The following SLC4A4 variants were observed in gnomAD, a reference collection of about 807,000 sequenced individuals.
The protein encoded by SLC4A4 is electrogenic sodium bicarbonate cotransporter 1.
SLC4A4 carries 27 observed loss-of-function variants against 111.5 expected under a neutral mutation model. The observed-to-expected ratio is 0.24, with a 90% CI of 0.18 to 0.33. The LOEUF (loss-of-function observed/expected upper bound fraction) is 0.33. Ranked by LOEUF, SLC4A4 falls within the 10% of genes least tolerant of loss-of-function variation. The pLI, the probability that SLC4A4 is intolerant of heterozygous loss-of-function variation, is 1.00. For missense variants in SLC4A4, 909 were observed against 1,315.5 expected, an observed-to-expected ratio of 0.69 and a Z score of 4.78; for synonymous variants, 443 against 463.4, an observed-to-expected ratio of 0.96 and a Z score of 0.57.
At chr4:71,114,070 AC>A (rs1462283411) in intron 2 of SLC4A4, among the ~76,000 whole-genome samples, 2 of 151,968 alleles carry the variant, frequency 1.3e-5, no homozygotes, top group Non-Finnish European at 2.9e-5. Context: ...ACACGGTGAA[AC>A]CCCGTCTCTA....
At chr4:71,331,197 G>A (rs1316398915) in intron 3 of SLC4A4, among the ~76,000 whole-genome samples, 1 of 152,132 alleles carries the variant, frequency 6.6e-6, no homozygotes, top group East Asian at 1.9e-4. Flanking sequence ...TCTAGAACTA[G>A]AAATACCATT....
At chr4:71,293,832 C>T (rs893217971) in intron 3 of SLC4A4, among the ~76,000 whole-genome samples, 1 of 152,186 alleles carries the variant, frequency 6.6e-6, no homozygotes, top group Admixed American at 6.5e-5. Context: ...TATATTACAA[C>T]TTATAACGTA....
chr4:71,330,494 T>C (rs1318604181), intron 3 of SLC4A4, among the ~76,000 whole-genome samples: 1 of 152,230 alleles, frequency 6.6e-6, no homozygotes, highest in Non-Finnish European at 1.5e-5. Flanking sequence ...AAGGATTCCC[T>C]ATTTAACAAA....
chr4:71,549,961 G>A (rs550957650), intron 20 of SLC4A4, among the ~76,000 whole-genome samples: 7 of 151,860 alleles, frequency 4.6e-5, no homozygotes, highest in Non-Finnish European at 8.8e-5. Flanking sequence ...AGCTGTAAGA[G>A]ATCAGTGAGC....
At chr4:71,113,465 T>C (rs1743152312) in intron 2 of SLC4A4, among the ~76,000 whole-genome samples, 1 of 152,194 alleles carries the variant, frequency 6.6e-6, no homozygotes, top group Non-Finnish European at 1.5e-5. Flanking sequence ...TCCTGACCAC[T>C]AGTGGGCACT....
chr4:71,181,132 G>A (rs377017196), intron 2 of SLC4A4, among the ~76,000 whole-genome samples: 92 of 147,736 alleles, frequency 6.2e-4, no homozygotes, highest in East Asian at 4.6e-3. Flanking sequence ...ACCAAACACC[G>A]CATGTTCTCA....
At chr4:71,074,194 G>T (rs1311381518) in intron 1 of SLC4A4, among the ~76,000 whole-genome samples, 1 of 152,112 alleles carries the variant, frequency 6.6e-6, no homozygotes, top group African/African-American at 2.4e-5. Context: ...TTTCTCCATA[G>T]TGATAAATAA....
chr4:71,321,224 T>C (rs1180821660), intron 3 of SLC4A4, among the ~76,000 whole-genome samples: 1 of 152,046 alleles, frequency 6.6e-6, no homozygotes, highest in East Asian at 1.9e-4. Context: ...AGTTTATTTC[T>C]ATAACAAATT....
intron 1 of SLC4A4, among the ~76,000 whole-genome samples, chr4:71,234,329 A>G (rs1378189885): frequency 6.6e-6 from 1 of 152,272 alleles, no homozygotes; most frequent in East Asian, 1.9e-4. Context: ...CATAGCAGGC[A>G]CTAAATAAAT....
At chr4:71,415,961 C>T (rs555259238) in intron 7 of SLC4A4, among the ~76,000 whole-genome samples, 9 of 152,264 alleles carry the variant, frequency 5.9e-5, no homozygotes, top group African/African-American at 2.2e-4. Context: ...ATTTATTATT[C>T]CCATTATACA....
chr4:71,538,891 T>G (rs1282131340), intron 18 of SLC4A4, among the ~76,000 whole-genome samples: 2 of 152,028 alleles, frequency 1.3e-5, no homozygotes, highest in African/African-American at 4.8e-5. Flanking sequence ...TCATGATTCC[T>G]TTAAGGTCAT....
At chr4:71,284,842 C>T (rs934351909) in intron 3 of SLC4A4, among the ~76,000 whole-genome samples, 1 of 152,194 alleles carries the variant, frequency 6.6e-6, no homozygotes, top group Non-Finnish European at 1.5e-5. Flanking sequence ...ATGTTGTCCC[C>T]TGGTTACCTC....
At chr4:71,102,906 A>G (rs1191762592) in intron 2 of SLC4A4, among the ~76,000 whole-genome samples, 1 of 151,920 alleles carries the variant, frequency 6.6e-6, no homozygotes, top group Non-Finnish European at 1.5e-5. Context: ...ACAGGATCCA[A>G]TTCACACATA....
chr4:71,426,182 T>C (rs903833003), intron 7 of SLC4A4, among the ~76,000 whole-genome samples: 1 of 152,054 alleles, frequency 6.6e-6, no homozygotes, highest in African/African-American at 2.4e-5. Flanking sequence ...TCAATGTTAA[T>C]GCTGGTCACT....
At chr4:71,461,710 C>A (rs929370446) in intron 12 of SLC4A4, among the ~76,000 whole-genome samples, 7 of 151,954 alleles carry the variant, frequency 4.6e-5, no homozygotes, top group Non-Finnish European at 8.8e-5. Flanking sequence ...ATATGTTTTA[C>A]TATTCTGGGA....
chr4:71,471,318 T>C (rs1488803543), intron 13 of SLC4A4, among the ~76,000 whole-genome samples: 1 of 151,972 alleles, frequency 6.6e-6, no homozygotes, highest in African/African-American at 2.4e-5. Context: ...AGATTTAAGC[T>C]AGGGTGTCTG....
intron 7 of SLC4A4, among the ~76,000 whole-genome samples, chr4:71,431,840 TC>T (rs1332036722): frequency 6.6e-6 from 1 of 152,004 alleles, no homozygotes; most frequent in Non-Finnish European, 1.5e-5. Flanking sequence ...CTGTGACAAA[TC>T]CAGTCAGTAG....
At chr4:71,219,926 C>T (rs1425267878) in intron 1 of SLC4A4, among the ~76,000 whole-genome samples, 5 of 152,180 alleles carry the variant, frequency 3.3e-5, no homozygotes, top group South Asian at 2.1e-4. Flanking sequence ...AGTCACTTCT[C>T]ATGGATGAGC....
intron 1 of SLC4A4, among the ~76,000 whole-genome samples, chr4:71,232,448 G>A (rs1371934743): frequency 6.6e-6 from 1 of 152,072 alleles, no homozygotes; most frequent in Non-Finnish European, 1.5e-5. Context: ...AATTCACTGT[G>A]TTACCCAGAC....
Sources: allele counts gnomAD v4.1 joint callset (sites outside exome capture counted in the v4.1 genomes callset), GRCh38; gene constraint gnomAD v4.1.1; transcripts MANE v1.5; gene names NCBI Gene and HGNC (gene_info 2026-07-23, HGNC 2026-07-21).